ETV6: variants seen among roughly 807,000 people sequenced by gnomAD.
The protein encoded by ETV6 is ETS variant transcription factor 6, also known as transcription factor ETV6.
A neutral mutation model predicts 51.1 loss-of-function variants in ETV6; 16 were observed. The observed-to-expected ratio is 0.31, with a 90% CI of 0.21 to 0.48. ETV6 has a LOEUF of 0.48. Among genes scored for constraint, ETV6 ranks in the 20% least tolerant of loss-of-function variants. The pLI, the probability that ETV6 is intolerant of heterozygous loss-of-function variation, is 0.99. For missense variants in ETV6, 458 were observed against 594.8 expected, an observed-to-expected ratio of 0.77 and a Z score of 2.39; for synonymous variants, 240 against 224.1, an observed-to-expected ratio of 1.07 and a Z score of -0.64.
At chr12:11,858,395 T>TAC (rs1258354315) in intron 4 of ETV6, among the ~76,000 whole-genome samples, 1 of 150,812 alleles carries the variant, frequency 6.6e-6, no homozygotes, top group Non-Finnish European at 1.5e-5. Context: ...CCCTTAAATA[T>TAC]ATATATATAT....
At chr12:11,742,765 ATATTT>A (rs1285007179) in intron 1 of ETV6, among the ~76,000 whole-genome samples, 1 of 151,264 alleles carries the variant, frequency 6.6e-6, no homozygotes, top group Non-Finnish European at 1.5e-5. Flanking sequence ...GAAGATCAAA[ATATTT>A]TATAAGCTTC....
At chr12:11,832,529 G>C (rs779839724) in intron 2 of ETV6, among the ~76,000 whole-genome samples, 1 of 152,160 alleles carries the variant, frequency 6.6e-6, no homozygotes, top group Non-Finnish European at 1.5e-5. Flanking sequence ...AGAGAAGCTG[G>C]GGAAAATGTG....
intron 3 of ETV6, among the ~76,000 whole-genome samples, chr12:11,844,078 C>G (rs547823383): frequency 6.6e-6 from 1 of 151,822 alleles, no homozygotes; most frequent in African/African-American, 2.4e-5. Context: ...TATTTGAGTA[C>G]TTGACTACTT....
chr12:11,713,317 T>C (rs1422790136), intron 1 of ETV6, among the ~76,000 whole-genome samples: 2 of 152,264 alleles, frequency 1.3e-5, no homozygotes, highest in African/African-American at 4.8e-5. Context: ...ATCACCTTTT[T>C]AGATTTAAAT....
intron 1 of ETV6, among the ~76,000 whole-genome samples, chr12:11,713,037 C>T (rs1000981414): frequency 6.6e-6 from 1 of 152,076 alleles, no homozygotes; most frequent in African/African-American, 2.4e-5. Flanking sequence ...GAGATGGGAG[C>T]CACACGTGAA....
chr12:11,659,583 G>A (rs1371897206), intron 1 of ETV6, among the ~76,000 whole-genome samples: 1 of 152,102 alleles, frequency 6.6e-6, no homozygotes, highest in African/African-American at 2.4e-5. Flanking sequence ...TCTTTGATGA[G>A]GTCAGTAATC....
At chr12:11,862,612 A>C (rs968688207) in intron 4 of ETV6, among the ~76,000 whole-genome samples, 4 of 152,150 alleles carry the variant, frequency 2.6e-5, no homozygotes, top group Non-Finnish European at 4.4e-5. Context: ...CTCTGCCTTC[A>C]TCTTCACCTG....
At chr12:11,811,071 C>T (rs1945905613) in intron 2 of ETV6, among the ~76,000 whole-genome samples, 2 of 152,118 alleles carry the variant, frequency 1.3e-5, no homozygotes, top group Non-Finnish European at 1.5e-5. Context: ...GGTGGTACAG[C>T]AAATAATTGA....
chr12:11,806,991 T>G (rs1210291747), intron 2 of ETV6, among the ~76,000 whole-genome samples: 3 of 152,280 alleles, frequency 2.0e-5, no homozygotes, highest in African/African-American at 7.2e-5. Context: ...TTCCACCGAT[T>G]AAATCAGTCA....
chr12:11,715,020 C>T (rs986212313), intron 1 of ETV6, among the ~76,000 whole-genome samples: 9 of 152,082 alleles, frequency 5.9e-5, no homozygotes, highest in African/African-American at 1.9e-4. Flanking sequence ...ATGACAGAGC[C>T]GTGGCAGGGG....
chr12:11,740,505 T>C (rs1290310968), intron 1 of ETV6, among the ~76,000 whole-genome samples: 1 of 152,218 alleles, frequency 6.6e-6, no homozygotes, highest in Non-Finnish European at 1.5e-5. Flanking sequence ...CTACCCACTC[T>C]AGTAGTTTGA....
chr12:11,815,318 G>A (rs1418063396), intron 2 of ETV6, among the ~76,000 whole-genome samples: 2 of 152,220 alleles, frequency 1.3e-5, no homozygotes, highest in Non-Finnish European at 2.9e-5. Context: ...TAAAACACAA[G>A]GTTCTAATTC....
intron 1 of ETV6, among the ~76,000 whole-genome samples, chr12:11,749,288 TACACACACACACACACAC>T (rs761925697): frequency 0.01 from 1,277 of 122,930 alleles, 17 homozygotes; most frequent in Middle Eastern, 0.022. Flanking sequence ...ATCCCCCCCA[TACACACACACACACACAC>T]ACACACACAC....
At chr12:11,804,629 C>T (rs76378448) in intron 2 of ETV6, among the ~76,000 whole-genome samples, 1,692 of 152,316 alleles carry the variant, frequency 0.011, 35 homozygotes, top group African/African-American at 0.039. Flanking sequence ...AGAGAAGCTT[C>T]CCCAACAGCA....
intron 1 of ETV6, among the ~76,000 whole-genome samples, chr12:11,698,971 G>A (rs974478574): frequency 6.6e-6 from 1 of 152,192 alleles, no homozygotes; most frequent in Admixed American, 6.5e-5. Flanking sequence ...GCACAGCCCA[G>A]ATTTGAACAC....
intron 2 of ETV6, among the ~76,000 whole-genome samples, chr12:11,788,266 G>A (rs528732566): frequency 2.0e-5 from 3 of 152,090 alleles, no homozygotes; most frequent in South Asian, 4.2e-4. Flanking sequence ...TTTAGATCTC[G>A]AACTAATAAG....
At chr12:11,800,242 C>G (rs1417938026) in intron 2 of ETV6, among the ~76,000 whole-genome samples, 2 of 152,140 alleles carry the variant, frequency 1.3e-5, no homozygotes, top group African/African-American at 4.8e-5. Flanking sequence ...ATCCATCTCA[C>G]CTCCCATCCC....
Position 11,891,127 on chromosome 12 carries a change from G to T in ETV6, c.*81G>T, listed in dbSNP as rs921637262. The T allele has an allele frequency of 4.4e-6, 5 of 1,138,638 alleles. No homozygotes were observed. Among genetic ancestry groups the T allele is most frequent in the Non-Finnish European group, 6.5e-6 (5 of 767,032 alleles). The allele number at this position is 1,138,638 out of a possible 1,614,324, so 70.5% of individuals were successfully genotyped here. A position where few individuals can be genotyped will look rare whatever the true frequency, so the allele number is the denominator to read the frequency against. On this transcript the variant is annotated 3_prime_UTR_variant, in exon 8 of 8. Transcript: ENST00000396373. The stretch of plus-strand genomic sequence containing the variant: ...GGATTGCTGGAAGTGTGACGGAGCA[G>T]GCGGGCTGAGGAGAGTGGAAAAGGA...
At chr12:11,710,439 C>T (rs556580652) in intron 1 of ETV6, among the ~76,000 whole-genome samples, 1 of 152,238 alleles carries the variant, frequency 6.6e-6, no homozygotes, top group East Asian at 1.9e-4. Flanking sequence ...CTGTTTATTC[C>T]ATGGTATTTT....
Sources: gnomAD v4.1 joint callset for allele counts (sites outside exome capture counted in the v4.1 genomes callset) on GRCh38, gnomAD v4.1.1 for gene constraint, MANE v1.5 for transcripts, NCBI Gene and HGNC (gene_info 2026-07-23, HGNC 2026-07-21) for gene names.